Variants in HSPA9 observed in about 807,000 individuals in gnomAD.
HSPA9 encodes heat shock protein family A (Hsp70) member 9.
Under a neutral mutation model 81.5 loss-of-function variants are expected in HSPA9, and 28 were observed. The observed-to-expected ratio is 0.34, with a 90% CI of 0.25 to 0.47. The LOEUF (loss-of-function observed/expected upper bound fraction) is 0.47, where lower values mean the gene tolerates loss of function less well. Ranked by LOEUF, HSPA9 falls within the 20% of genes least tolerant of loss-of-function variation. The probability of loss-of-function intolerance (pLI) is 1.00; values close to 1 mark genes in which losing one functional copy is unlikely to be tolerated. For missense variants in HSPA9, 678 were observed against 838.0 expected (o/e 0.81, Z 2.36); for synonymous variants, 293 against 290.4 (o/e 1.01, Z -0.09).
chr5:138,568,320 GA>G (rs1750809848), intron 5 of HSPA9, among the ~76,000 whole-genome samples: 1 of 151,788 alleles, frequency 6.6e-6, no homozygotes, highest in Admixed American at 6.6e-5. Flanking sequence ...CCAACATGAA[GA>G]AACCCCCATC....
chr5:138,560,157 A>G (rs1750623258), intron 10 of HSPA9, 66 bp from the exon 11 acceptor site: 4 of 1,130,882 alleles, frequency 3.5e-6, no homozygotes, highest in Non-Finnish European at 5.3e-6. Flanking sequence ...AACAAAAGGG[A>G]GCACGTGTCC....
intron 3 of HSPA9, among the ~76,000 whole-genome samples, chr5:138,572,181 T>C (rs527915249): frequency 6.6e-6 from 1 of 151,990 alleles, no homozygotes; most frequent in Admixed American, 6.6e-5. Flanking sequence ...ACTCCCACAC[T>C]CAAGTGGCCT....
chr5:138,566,943 T>G, intron 8 of HSPA9, 58 bp downstream of exon 8: 1 of 1,548,364 alleles, frequency 6.5e-7, no homozygotes, highest in Non-Finnish European at 8.9e-7. Flanking sequence ...AAGAGCAATC[T>G]GAACAAAGAA....
intron 5 of HSPA9, 107 bp downstream of exon 5, chr5:138,568,818 A>C: frequency 8.2e-7 from 1 of 1,212,990 alleles, no homozygotes. Context: ...TTTTCTATAC[A>C]AAAGGGACCA....
intron 9 of HSPA9, among the ~76,000 whole-genome samples, chr5:138,563,648 T>C (rs1750703273): frequency 6.6e-6 from 1 of 151,484 alleles, no homozygotes. Flanking sequence ...CCTCTGGGGT[T>C]TGTATTCACT....
chr5:138,573,847 T>C lies in HSPA9; in HGVS notation c.144A>G (p.Ser48=), dbSNP rs373312007. The change falls in exon 3 of 17, where the codon TCA becomes TCG. Residue 48 remains serine (S), a synonymous_variant. Coordinates refer to ENST00000297185, the MANE Select transcript of HSPA9 (RefSeq NM_004134.7). ...CAACAACTGCTCCCTTGATTGCTTC[T>C]GATCTGTAAGACATTTAGAACAGTG... ...FRLVSRRDYA[S]EAIKGAVVGI... is the part of the protein sequence containing the mutation. 5.3e-5 allele frequency: 86 copies of C among 1,610,660 alleles called. No individual in the cohort carries two copies. Among genetic ancestry groups the C allele is most frequent in the Non-Finnish European group, 7.1e-5 (84 of 1,177,040 alleles).
chr5:138,574,917 TC>T, intron 1 of HSPA9: 1 of 452,582 alleles, frequency 2.2e-6, no homozygotes, highest in African/African-American at 2.0e-5. Flanking sequence ...ATAGTGGCTT[TC>T]CCAATAGACT....
chr5:138,568,109 T>C (rs256013), intron 5 of HSPA9, among the ~76,000 whole-genome samples: 78,410 of 151,734 alleles, frequency 0.52, 22,437 homozygotes, highest in East Asian at 0.8. Context: ...TGTTTGAACC[T>C]GGGAGGCGGA....
chr5:138,573,279 T>C (rs1457698223), intron 3 of HSPA9, among the ~76,000 whole-genome samples: 37 of 152,164 alleles, frequency 2.4e-4, no homozygotes, highest in Non-Finnish European at 1.5e-5. Context: ...TCCACCCCCC[T>C]TGGCCTCCCA....
intron 9 of HSPA9, among the ~76,000 whole-genome samples, chr5:138,563,948 C>G (rs1750709264): frequency 6.6e-6 from 1 of 152,262 alleles, no homozygotes; most frequent in African/African-American, 2.4e-5. Context: ...TTTGGCCACT[C>G]TGGCCCTTTC....
chr5:138,573,318 T>A (rs1192379398), intron 3 of HSPA9, among the ~76,000 whole-genome samples: 1 of 152,252 alleles, frequency 6.6e-6, no homozygotes, highest in South Asian at 2.1e-4. Context: ...CGTGAGCCAT[T>A]ATGCCCGGTC....
intron 11 of HSPA9, among the ~76,000 whole-genome samples, chr5:138,559,384 T>A (rs1750603816): frequency 6.6e-6 from 1 of 152,176 alleles, no homozygotes; most frequent in Non-Finnish European, 1.5e-5. Flanking sequence ...ATTACAGGCA[T>A]GAGCCACGGT....
intron 3 of HSPA9, among the ~76,000 whole-genome samples, 170 bp downstream of exon 3, chr5:138,573,593 G>A (rs571114705): frequency 7.1e-6 from 1 of 141,372 alleles, no homozygotes; most frequent in African/African-American, 2.6e-5. Flanking sequence ...GTTGCAGTGA[G>A]CGGAGACCGT....
chr5:138,556,424 G>A (rs757593520), intron 16 of HSPA9, 28 bp downstream of exon 16: 2 of 1,610,276 alleles, frequency 1.2e-6, no homozygotes, highest in African/African-American at 2.7e-5. Flanking sequence ...GATCAAGTTA[G>A]AATCAAAATC....
chr5:138,562,388 A>T (rs142193045), intron 9 of HSPA9, among the ~76,000 whole-genome samples: 1 of 151,618 alleles, frequency 6.6e-6, no homozygotes, highest in African/African-American at 2.4e-5. Context: ...TCTCTACTAA[A>T]AATACAAAAA....
intron 3 of HSPA9, among the ~76,000 whole-genome samples, chr5:138,571,563 C>T (rs1750891052): frequency 6.6e-6 from 1 of 152,114 alleles, no homozygotes; most frequent in Non-Finnish European, 1.5e-5. Flanking sequence ...ATCAACAATA[C>T]TACCGGGCAT....
chr5:138,573,931 A>G (rs1228146427), intron 2 of HSPA9, 81 bp from the exon 3 acceptor site: 1 of 1,289,184 alleles, frequency 7.8e-7, no homozygotes. Flanking sequence ...TTAATTGGAA[A>G]ATTAACAGTG....
At chr5:138,565,552 AAC>A (rs1371756880) in intron 9 of HSPA9, among the ~76,000 whole-genome samples, 1 of 152,120 alleles carries the variant, frequency 6.6e-6, no homozygotes, top group East Asian at 1.9e-4. Flanking sequence ...ATGGGTCTCT[AAC>A]ACAGATCTAA....
chr5:138,563,949 T>C (rs1267737836), intron 9 of HSPA9, among the ~76,000 whole-genome samples: 2 of 152,238 alleles, frequency 1.3e-5, no homozygotes, highest in African/African-American at 4.8e-5. Context: ...TTGGCCACTC[T>C]GGCCCTTTCT....
Sources: allele counts gnomAD v4.1 joint callset (sites outside exome capture counted in the v4.1 genomes callset), GRCh38; gene constraint gnomAD v4.1.1; transcripts MANE v1.5; gene names NCBI Gene and HGNC (gene_info 2026-07-23, HGNC 2026-07-21).